Variants in ABCD2 observed in about 807,000 individuals in gnomAD.
ABCD2 encodes ATP binding cassette subfamily D member 2.
Under a neutral mutation model 70.9 loss-of-function variants are expected in ABCD2, and 36 were observed. The observed-to-expected ratio is 0.51, with a 90% CI of 0.39 to 0.67. The LOEUF is 0.67. Among genes scored for constraint, ABCD2 ranks in the 30% least tolerant of loss-of-function variants. ABCD2 has a pLI of 0.00. For missense variants in ABCD2, 729 were observed against 890.2 expected (o/e 0.82, Z 2.30); for synonymous variants, 304 against 306.9 (o/e 0.99, Z 0.10).
intron 7 of ABCD2, among the ~76,000 whole-genome samples, chr12:39,583,397 A>G (rs376957667): frequency 1.3e-5 from 2 of 152,208 alleles, no homozygotes; most frequent in Non-Finnish European, 2.9e-5. Context: ...ATAGAACATA[A>G]AATACATTTA....
the ABCD2 span, among the ~76,000 whole-genome samples, chr12:39,535,528 A>T: frequency 6.6e-6 from 1 of 152,226 alleles, no homozygotes; most frequent in African/African-American, 2.4e-5. Flanking sequence ...AAATCTACAT[A>T]AAATCTACAA....
At chr12:39,608,075 G>A (rs1410670035) in intron 2 of ABCD2, among the ~76,000 whole-genome samples, 1 of 151,994 alleles carries the variant, frequency 6.6e-6, no homozygotes, top group Non-Finnish European at 1.5e-5. Flanking sequence ...GGCTGAGGCA[G>A]GAGGATCACT....
chr12:39,535,932 C>A, the ABCD2 span, among the ~76,000 whole-genome samples: 1 of 152,122 alleles, frequency 6.6e-6, no homozygotes, highest in Non-Finnish European at 1.5e-5. Context: ...CACTTGAGGT[C>A]AGCAGTTTGA....
At chr12:39,616,782 A>G (rs1265376521) in intron 2 of ABCD2, among the ~76,000 whole-genome samples, 1 of 152,034 alleles carries the variant, frequency 6.6e-6, no homozygotes, top group Non-Finnish European at 1.5e-5. Context: ...GAAATAGCTC[A>G]GAACTGGGAA....
intron 9 of ABCD2, among the ~76,000 whole-genome samples, chr12:39,572,019 G>A (rs1358843120): frequency 6.6e-6 from 1 of 152,132 alleles, no homozygotes; most frequent in African/African-American, 2.4e-5. Flanking sequence ...GAACTAACAT[G>A]TTGTTTTGTT....
Position 39,554,099 on chromosome 12 carries a change from C to A in ABCD2, c.2036G>T (p.Gly679Val). The change falls in exon 10 of 10, where the codon GGT becomes GTT. Residue 679 changes from glycine (G) to valine (V), a missense_variant. Gly to Val is a moderately radical substitution (Grantham distance 109, BLOSUM62 -3). This residue lies in a region of ABCD2 where 289 missense variants were observed against 328.8 expected (regional missense o/e 0.88). Transcript: ENST00000308666. ...KYHTHLLQFD[G>V]EGGWRFEQLD... Reference sequence around the variant, plus strand: ...TTGTTCAAAGCGCCAACCTCCTTCACCATCAAACTGTAATAAATGTGTGTG... The same window carrying A: ...TTGTTCAAAGCGCCAACCTCCTTCAACATCAAACTGTAATAAATGTGTGTG... The A allele has an allele frequency of 6.2e-7, 1 of 1,613,382 alleles. No homozygotes were observed. Among genetic ancestry groups the A allele is most frequent in the South Asian group, 1.1e-5 (1 of 91,036 alleles).
At chr12:39,583,969 T>C (rs1314630067) in intron 7 of ABCD2, among the ~76,000 whole-genome samples, 1 of 152,226 alleles carries the variant, frequency 6.6e-6, no homozygotes, top group Non-Finnish European at 1.5e-5. Context: ...CTATTGTGTA[T>C]AGTGCTGTGA....
intron 6 of ABCD2, among the ~76,000 whole-genome samples, chr12:39,588,133 AT>A (rs1443024924): frequency 1.3e-5 from 2 of 152,184 alleles, no homozygotes; most frequent in Non-Finnish European, 2.9e-5. Context: ...ACTAATTTTA[AT>A]TTGAGTATCA....
chr12:39,582,912 T>C (rs1329446927), intron 7 of ABCD2, among the ~76,000 whole-genome samples: 2 of 151,554 alleles, frequency 1.3e-5, no homozygotes, highest in Non-Finnish European at 2.9e-5. Context: ...TAGGCTGGAG[T>C]GCAGTGATGC....
rs756456139 is a variant in ABCD2 at position 39,619,412 on chromosome 12, G to A, written c.204C>T (p.Cys68=). ...AAGGTTTTTCACAAATGGTCTCGGTGCAATGCAGTATTTCTGTGTTCTCTG... is the reference window on the plus strand; with the variant it reads ...AAGGTTTTTCACAAATGGTCTCGGTACAATGCAGTATTTCTGTGTTCTCTG... The part of the protein sequence containing the change: ...PAAENTEILH[C]TETICEKPSP... Residue 68 remains cysteine (C), a synonymous_variant, in exon 1 of 10, where the codon TGC becomes TGT. Coordinates refer to ENST00000308666, the MANE Select transcript of ABCD2 (RefSeq NM_005164.4). 1.9e-6 allele frequency: 3 copies of A among 1,614,112 alleles called. No individual in the cohort carries two copies. Among genetic ancestry groups the A allele is most frequent in the African/African-American group, 1.3e-5 (1 of 75,024 alleles).
chr12:39,579,356 T>C (rs1022488135), intron 8 of ABCD2, among the ~76,000 whole-genome samples, 179 bp downstream of exon 8: 21 of 152,228 alleles, frequency 1.4e-4, no homozygotes, highest in African/African-American at 4.8e-4. Flanking sequence ...AGCGAGACTC[T>C]GTCTCAAAAA....
In ABCD2 at chr12:39,550,820, T is replaced by C. The variant is rs1314522835; in HGVS notation, c.*3092A>G. 6.6e-6 allele frequency: 1 copy of C among 151,718 alleles called. No homozygotes were observed. The highest frequency in any genetic ancestry group is 1.5e-5 in the Non-Finnish European group (1 of 67,664). 9.4% of individuals were successfully genotyped at this position (151,718 alleles called of 1,614,324 possible). On this transcript the variant is annotated 3_prime_UTR_variant, in exon 10 of 10. Transcript: ENST00000308666. ...CATCATTTTATGCATATATTAGAAG[T>C]GTGTAACATTCTCTGGACTTGGGTT...
chr12:39,573,934 A>G (rs1406196089), intron 8 of ABCD2, 93 bp from the exon 9 acceptor site: 2 of 1,260,184 alleles, frequency 1.6e-6, no homozygotes, highest in East Asian at 5.0e-5. Context: ...AACAATTTTA[A>G]TGGAGCAAAA....
Position 39,618,925 on chromosome 12 carries a change from G to T in ABCD2, c.691C>A (p.Pro231Thr). 1.2e-6 allele frequency: 2 copies of T among 1,614,168 alleles called. No homozygotes were observed. Among genetic ancestry groups the T allele is most frequent in the Non-Finnish European group, 1.7e-6 (2 of 1,180,022 alleles). ...GAGGTCAGCATTACATCTAAAATAG[G>T]TTTGGTCAGATTGGAATACAAGTGA... Reference protein sequence around the residue: ...VAHLYSNLTKPILDVMLTSYT... With the variant: ...VAHLYSNLTKTILDVMLTSYT... The change falls in exon 1 of 10, where the codon CCT becomes ACT. Residue 231 changes from proline to threonine, a missense_variant. Pro to Thr is a conservative substitution (Grantham distance 38). This residue lies in a region of ABCD2 where 195 missense variants were observed against 300.2 expected (regional missense o/e 0.65). Coordinates refer to ENST00000308666, the MANE Select transcript of ABCD2 (RefSeq NM_005164.4).
intron 9 of ABCD2, among the ~76,000 whole-genome samples, chr12:39,561,446 C>T (rs11172616): frequency 0.11 from 17,000 of 150,564 alleles, 958 homozygotes; most frequent in East Asian, 0.16. Flanking sequence ...CCCAACTGTG[C>T]GCTGCTTACA....
chr12:39,534,802 G>GAA, the ABCD2 span, among the ~76,000 whole-genome samples: 4 of 108,804 alleles, frequency 3.7e-5, no homozygotes, highest in Non-Finnish European at 6.0e-5. Flanking sequence ...AAGAAAGAAA[G>GAA]AAAGAAAAGA....
intron 7 of ABCD2, among the ~76,000 whole-genome samples, chr12:39,585,225 C>A (rs1431297010): frequency 6.6e-6 from 1 of 152,122 alleles, no homozygotes; most frequent in Non-Finnish European, 1.5e-5. Flanking sequence ...TTGTAGAGAT[C>A]TTTCACCTTC....
chr12:39,595,216 T>C (rs1280777457), intron 6 of ABCD2, among the ~76,000 whole-genome samples: 2 of 152,128 alleles, frequency 1.3e-5, no homozygotes, highest in Admixed American at 1.3e-4. Flanking sequence ...ATATTTAAGA[T>C]CAAAAACAGT....
At chr12:39,582,503 G>GACTT (rs1941609478) in intron 7 of ABCD2, among the ~76,000 whole-genome samples, 1 of 152,092 alleles carries the variant, frequency 6.6e-6, no homozygotes, top group African/African-American at 2.4e-5. Context: ...CCTTCCTGAT[G>GACTT]ACTTCCAAAA....
Sources: allele counts gnomAD v4.1 joint callset (sites outside exome capture counted in the v4.1 genomes callset), GRCh38; gene constraint gnomAD v4.1.1; regional missense constraint gnomAD v4.1.1; transcripts MANE v1.5; gene names NCBI Gene and HGNC (gene_info 2026-07-23, HGNC 2026-07-21).